Variants in EEF1D observed in about 807,000 individuals in gnomAD.
The protein encoded by EEF1D is elongation factor 1-delta.
Under a neutral mutation model 63.9 loss-of-function variants are expected in EEF1D, and 47 were observed. That is an observed-to-expected ratio of 0.74 (90% CI 0.58 to 0.94). The LOEUF (loss-of-function observed/expected upper bound fraction) is 0.94. EEF1D is among the 40% of genes least tolerant of loss of function. The probability of loss-of-function intolerance (pLI) is 0.00; values close to 1 mark genes in which losing one functional copy is unlikely to be tolerated. For missense variants in EEF1D, 907 were observed against 899.0 expected (o/e 1.01, Z -0.11); for synonymous variants, 412 against 386.1 (o/e 1.07, Z -0.79).
At chr8:143,585,555 C>G (rs1004211886) in intron 5 of EEF1D, among the ~76,000 whole-genome samples, 11 of 152,236 alleles carry the variant, frequency 7.2e-5, no homozygotes, top group Non-Finnish European at 1.3e-4. Context: ...CACAGAAACA[C>G]TGACCCCGTT....
intron 8 of EEF1D, 127 bp downstream of exon 8, chr8:143,580,379 A>G: frequency 3.1e-6 from 4 of 1,308,818 alleles, no homozygotes; most frequent in Non-Finnish European, 4.2e-6. Flanking sequence ...GTTTATCCCA[A>G]GACTTCTAAA....
intron 9 of EEF1D, 30 bp from the exon 10 acceptor site, chr8:143,579,860 G>A (rs1824965158): frequency 1.9e-6 from 3 of 1,546,240 alleles, no homozygotes; most frequent in Non-Finnish European, 2.6e-6. Context: ...GACGGTCAGG[G>A]CTGTTCCCCT....
chr8:143,590,618 G>A (rs1827783602), intron 2 of EEF1D: 2 of 1,020,262 alleles, frequency 2.0e-6, no homozygotes, highest in South Asian at 8.7e-5. Flanking sequence ...AAAAGAAGGA[G>A]CCTCGGCCAG....
rs1051808922 is a variant in EEF1D, at chr8:143,589,369, C to T, written c.713G>A (p.Arg238Gln). 1.3e-6 allele frequency: 2 copies of T among 1,553,444 alleles called. No individual in the cohort carries two copies. The highest frequency in any genetic ancestry group is 1.2e-5 in the South Asian group (1 of 84,950). The change falls in exon 3 of 10, where the codon CGG becomes CAG. Residue 238 changes from arginine (R) to glutamine (Q), a missense_variant. Transcript: ENST00000618139. ...LVREVWLEKP[R>Q]YDAAERGFYE... ...GAAGCCCCTCTCGGCTGCATCATAC[C>T]GGGGCTTCTCCAGCCACACCTCCCG...
At chr8:143,592,429 G>C (rs1828130023) in intron 2 of EEF1D, among the ~76,000 whole-genome samples, 1 of 151,984 alleles carries the variant, frequency 6.6e-6, no homozygotes. Flanking sequence ...TGACCCGCCA[G>C]CCCAGGACAG....
At chr8:143,590,173 C>A in intron 2 of EEF1D, 92 bp from the exon 3 acceptor site, 5 of 1,555,316 alleles carry the variant, frequency 3.2e-6, no homozygotes, top group Non-Finnish European at 4.3e-6. Context: ...CGTGCCCGCC[C>A]TCCCCGTGGC....
In EEF1D at chr8:143,589,464, G is replaced by A. The variant is rs771091821; in HGVS notation, c.618C>T (p.Pro206=). 15 of 1,528,950 alleles carry A rather than the reference G, an allele frequency of 9.8e-6. No homozygotes were observed. Among genetic ancestry groups the A allele is most frequent in the South Asian group, 3.7e-5 (3 of 81,022 alleles). The allele number at this position is 1,528,950 out of a possible 1,614,324, so 94.7% of individuals were successfully genotyped here. A position where few individuals can be genotyped will look rare whatever the true frequency, so the allele number is the denominator to read the frequency against. Residue 206 remains proline (P), a synonymous_variant, in exon 3 of 10, where the codon CCC becomes CCT. Transcript: ENST00000618139. The stretch of plus-strand genomic sequence containing the variant: ...GTGGGCTGGGCTGGTGGGCCAGGTC[G>A]GGGACGGCCACCTGCTGGCCTGTGT... ...TPNTGQQVAV[P]DLAHQPSPPV... is the part of the protein sequence containing the mutation.
intron 1 of EEF1D, among the ~76,000 whole-genome samples, chr8:143,594,233 A>G (rs4874165): frequency 0.8 from 121,469 of 152,094 alleles, 50,331 homozygotes; most frequent in Non-Finnish European, 0.92. Context: ...AGTGTCTGCC[A>G]AGCACCTGAG....
chr8:143,580,281 C>T, intron 8 of EEF1D, 75 bp from the exon 9 acceptor site: 5 of 1,456,598 alleles, frequency 3.4e-6, no homozygotes, highest in Non-Finnish European at 4.7e-6. Flanking sequence ...TGCACCCTAC[C>T]CTCAACCACT....
Position 143,580,065 on chromosome 8 carries a change from C to T in EEF1D, c.1852G>A (p.Asp618Asn), listed in dbSNP as rs755437487. The change falls in exon 9 of 10, where the codon GAC becomes AAC. Residue 618 changes from aspartate (D) to asparagine (N), a missense_variant. Asp to Asn is a conservative substitution (Grantham distance 23). Transcript: ENST00000618139. ...KLQIQCVVEDDKVGTDLLEEE... is the reference protein window; with the variant it reads ...KLQIQCVVEDNKVGTDLLEEE... ...TCCAGCAAGTCTGTCCCCACCTTGT[C>T]GTCCTCCACCACACACTGAATCTGT... 11 of 1,614,028 alleles carry T rather than the reference C, an allele frequency of 6.8e-6. No individual in the cohort carries two copies. Among genetic ancestry groups the T allele is most frequent in the Middle Eastern group, 1.7e-4 (1 of 6,036 alleles).
rs555803649 is a variant in EEF1D, at chr8:143,581,605, G to A, written c.1288-277C>T. On this transcript the variant is annotated intron_variant, in intron 5 of 9. Transcript: ENST00000618139. ...TGGGCCATGGCTGCTGCTGCCCGGC[G>A]GAATCCTGCTGAGCAGCCAGGCTCA... 427 of 533,798 alleles carry A rather than the reference G, an allele frequency of 8.0e-4. 6 individuals carry two copies. Among genetic ancestry groups the A allele is most frequent in the African/African-American group, 6.7e-3 (350 of 52,542 alleles). 33.1% of individuals were successfully genotyped at this position (533,798 alleles called of 1,614,324 possible). A position where few individuals can be genotyped will look rare whatever the true frequency, so the allele number is the denominator to read the frequency against.
chr8:143,586,652 G>A, intron 4 of EEF1D, 77 bp downstream of exon 4: 1 of 1,568,684 alleles, frequency 6.4e-7, no homozygotes, highest in Non-Finnish European at 8.6e-7. Flanking sequence ...TCCTGGCCTG[G>A]CTGAATCCGC....
intron 3 of EEF1D, among the ~76,000 whole-genome samples, chr8:143,588,532 A>C (rs974098655): frequency 2.6e-5 from 4 of 152,190 alleles, no homozygotes; most frequent in Non-Finnish European, 4.4e-5. Flanking sequence ...GGTGACAAGG[A>C]AAGCTGGGGG....
Position 143,581,317 on chromosome 8 carries a change from G to C in EEF1D, c.1299C>G (p.Pro433=). ...IQKSLAGSSG[P]GASSGTSGDH... is the part of the protein sequence containing the mutation. Reference sequence around the variant, plus strand: ...CTCCGCTGGTGCCGCTGGAGGCCCCGGGGCCTGAGCTCTGCAAGGCAGGAG... The same window carrying C: ...CTCCGCTGGTGCCGCTGGAGGCCCCCGGGCCTGAGCTCTGCAAGGCAGGAG... Residue 433 remains proline, a synonymous_variant, in exon 6 of 10, where the codon CCC becomes CCG. Transcript: ENST00000618139. The C allele has an allele frequency of 1.9e-6, 3 of 1,611,180 alleles. No individual in the cohort carries two copies. Among genetic ancestry groups the C allele is most frequent in the Non-Finnish European group, 2.5e-6 (3 of 1,179,812 alleles).
chr8:143,588,927 C>A, intron 3 of EEF1D, 64 bp downstream of exon 3: 1 of 1,524,188 alleles, frequency 6.6e-7, no homozygotes, highest in Non-Finnish European at 8.8e-7. Flanking sequence ...GGAGCCCCAG[C>A]CTGGGATGGC....
chr8:143,580,273 C>G, intron 8 of EEF1D, 67 bp from the exon 9 acceptor site: 1 of 1,502,846 alleles, frequency 6.7e-7, no homozygotes, highest in Non-Finnish European at 9.1e-7. Context: ...TACCTGCATG[C>G]ACCCTACCCT....
chr8:143,590,215 C>G, intron 2 of EEF1D, 134 bp from the exon 3 acceptor site: 1 of 1,269,604 alleles, frequency 7.9e-7, no homozygotes. Flanking sequence ...GAGGATGCTC[C>G]CCAGTGGGGC....
In EEF1D at chr8:143,589,318, G is replaced by A. The variant is rs751148186; in HGVS notation, c.764C>T (p.Pro255Leu). 1.3e-6 allele frequency: 2 copies of A among 1,586,400 alleles called. No individual in the cohort carries two copies. Among genetic ancestry groups the A allele is most frequent in the Non-Finnish European group, 1.7e-6 (2 of 1,165,794 alleles). ...CTCTTGCAGGCGCACCTTCCCTGGG[G>A]GATGGCCGTCAAACAGGGCCTCGTA... ...GFYEALFDGH[P>L]PGKVRLQERA... The change falls in exon 3 of 10, where the codon CCC becomes CTC. Residue 255 changes from proline (P) to leucine (L), a missense_variant. Transcript: ENST00000618139.
At chr8:143,585,957 G>A in intron 5 of EEF1D, 1 of 459,974 alleles carries the variant, frequency 2.2e-6, no homozygotes, top group Non-Finnish European at 3.9e-6. Context: ...GCACCACTCA[G>A]CTCCCAGCCG....
Sources: allele counts gnomAD v4.1 joint callset (sites outside exome capture counted in the v4.1 genomes callset), GRCh38; gene constraint gnomAD v4.1.1; transcripts MANE v1.5; gene names NCBI Gene and HGNC (gene_info 2026-07-23, HGNC 2026-07-21).